USP8: variants seen among roughly 807,000 people sequenced by gnomAD.
USP8 encodes ubiquitin carboxyl-terminal hydrolase 8.
A neutral mutation model predicts 130.0 loss-of-function variants in USP8; 27 were observed. That is an observed-to-expected ratio of 0.21 (90% CI 0.15 to 0.29). The LOEUF (loss-of-function observed/expected upper bound fraction) is 0.29. USP8 is among the 10% of genes least tolerant of loss of function. The probability of loss-of-function intolerance (pLI) is 1.00; values close to 1 mark genes in which losing one functional copy is unlikely to be tolerated. For missense variants in USP8, 1,029 were observed against 1,312.2 expected (o/e 0.78, Z 3.33); for synonymous variants, 392 against 444.1 (o/e 0.88, Z 1.48).
chr15:50,495,287 CATAT>C (rs1175825603), intron 16 of USP8, among the ~76,000 whole-genome samples: 9 of 2,132 alleles, frequency 4.2e-3, no homozygotes, highest in Non-Finnish European at 7.9e-3. Context: ...TATACACATA[CATAT>C]ATACATATAT....
intron 4 of USP8, among the ~76,000 whole-genome samples, chr15:50,452,944 T>C (rs1363718673): frequency 6.6e-6 from 1 of 152,238 alleles, no homozygotes; most frequent in Non-Finnish European, 1.5e-5. Context: ...GTAAAACAGT[T>C]GCATAATTTT....
At chr15:50,470,125 G>T (rs1024321724) in intron 7 of USP8, among the ~76,000 whole-genome samples, 1 of 152,160 alleles carries the variant, frequency 6.6e-6, no homozygotes, top group Non-Finnish European at 1.5e-5. Flanking sequence ...GAGCCACCGC[G>T]TCCAGCTGAT....
At chr15:50,498,097 C>G (rs538953287) in intron 18 of USP8, among the ~76,000 whole-genome samples, 1 of 152,088 alleles carries the variant, frequency 6.6e-6, no homozygotes, top group African/African-American at 2.4e-5. Flanking sequence ...TATGAAATAA[C>G]CATATTACAC....
At chr15:50,465,826 C>T (rs990788475) in intron 7 of USP8, among the ~76,000 whole-genome samples, 2 of 152,148 alleles carry the variant, frequency 1.3e-5, no homozygotes, top group Non-Finnish European at 2.9e-5. Context: ...CTGTCACTTA[C>T]TAGTTGCATT....
chr15:50,482,505 T>A (rs140346578), intron 11 of USP8, among the ~76,000 whole-genome samples: 1 of 152,230 alleles, frequency 6.6e-6, no homozygotes, highest in Non-Finnish European at 1.5e-5. Flanking sequence ...TATCTTTGCA[T>A]ATAGTGATTT....
intron 16 of USP8, among the ~76,000 whole-genome samples, chr15:50,495,136 T>A (rs2052327157): frequency 6.6e-6 from 1 of 151,968 alleles, no homozygotes; most frequent in African/African-American, 2.4e-5. Flanking sequence ...CAACTTCTTT[T>A]TAGCACTTTT....
At chr15:50,484,167 TCC>T in intron 11 of USP8, 106 bp from the exon 12 acceptor site, 4 of 819,574 alleles carry the variant, frequency 4.9e-6, no homozygotes, top group Non-Finnish European at 7.3e-6. Flanking sequence ...CTTTTTTTTC[TCC>T]TTTTACATTT....
Position 50,471,280 on chromosome 15 carries a change from C to A in USP8, c.687-353C>A, listed in dbSNP as rs190482434. 3.2e-3 allele frequency among the ~76,000 whole-genome samples: 494 copies of A among 152,218 alleles called. 1 individual carries two copies. Among genetic ancestry groups the A allele is most frequent in the Non-Finnish European group, 5.7e-3 (390 of 68,016 alleles). On this transcript the variant is annotated intron_variant, in intron 7 of 19. Coordinates refer to ENST00000307179, the MANE Select transcript of USP8 (RefSeq NM_005154.5). The stretch of plus-strand genomic sequence containing the variant: ...GAGAACTGAAATATGAATAATACTA[C>A]CCAGGTGATTCCCCAGTTTATATTT...
intron 10 of USP8, among the ~76,000 whole-genome samples, chr15:50,479,629 T>G (rs1325107279): frequency 6.6e-6 from 1 of 151,992 alleles, no homozygotes; most frequent in Non-Finnish European, 1.5e-5. Flanking sequence ...GTTAACCTCA[T>G]CCCCATAGTG....
At chr15:50,457,582 G>A (rs1281267409) in intron 4 of USP8, among the ~76,000 whole-genome samples, 4 of 131,286 alleles carry the variant, frequency 3.0e-5, no homozygotes. Context: ...AAAAAAAACA[G>A]CCAGCCACGG....
intron 15 of USP8, 119 bp downstream of exon 15, chr15:50,493,032 T>G: frequency 9.4e-7 from 1 of 1,058,450 alleles, no homozygotes; most frequent in South Asian, 1.3e-5. Context: ...AGATAATTTG[T>G]AAAGAACAAA....
chr15:50,479,912 C>G (rs2051704160), intron 10 of USP8, among the ~76,000 whole-genome samples: 1 of 152,082 alleles, frequency 6.6e-6, no homozygotes, highest in Admixed American at 6.5e-5. Flanking sequence ...GCACATGCCA[C>G]CACGCCCAGC....
intron 10 of USP8, among the ~76,000 whole-genome samples, chr15:50,480,009 GCTCGGC>G (rs1198030056): frequency 1.3e-5 from 2 of 152,016 alleles, no homozygotes; most frequent in African/African-American, 4.8e-5. Context: ...GATCTATCCG[GCTCGGC>G]CTCCCAAAGT....
At chr15:50,483,365 T>C (rs3131560) in intron 11 of USP8, among the ~76,000 whole-genome samples, 76,990 of 152,092 alleles carry the variant, frequency 0.51, 19,699 homozygotes, top group East Asian at 0.58. Context: ...GATTGCATTC[T>C]TTGTGTGCTC....
At chr15:50,461,639 G>A (rs751170340) in intron 5 of USP8, among the ~76,000 whole-genome samples, 13 of 152,082 alleles carry the variant, frequency 8.5e-5, no homozygotes, top group Non-Finnish European at 1.5e-4. Context: ...CATATCACAA[G>A]GTCAAGAGAT....
In USP8 at chr15:50,481,807, A is replaced by G; in HGVS notation, c.1545A>G (p.Thr515=). The G allele has an allele frequency of 6.5e-7, 1 of 1,532,066 alleles. No individual in the cohort carries two copies. The highest frequency in any genetic ancestry group is 1.3e-5 in the South Asian group (1 of 78,614). The allele number at this position is 1,532,066 out of a possible 1,614,324, so 94.9% of individuals were successfully genotyped here. ...KKQEAEENEI[T]EKQQKAKEEM... is the part of the protein sequence containing the mutation. ...AAGAAGCTGAAGAAAATGAAATTAC[A>G]GAGAAGCAACAAAAAGCAAAAGAAG... is the stretch of plus-strand genomic sequence containing the variant. The change falls in exon 11 of 20, where the codon ACA becomes ACG. Residue 515 remains threonine (T), a synonymous_variant. Transcript: ENST00000307179.
chr15:50,449,683 G>A (rs1051870743), intron 4 of USP8, among the ~76,000 whole-genome samples, 198 bp downstream of exon 4: 2 of 151,724 alleles, frequency 1.3e-5, no homozygotes, highest in Admixed American at 6.6e-5. Flanking sequence ...CTGGGTTCAC[G>A]CCATTCTCCT....
Position 50,439,009 on chromosome 15 carries a change from G to A in USP8, c.-65G>A, listed in dbSNP as rs920603353. ...GTATAATTATTTGTATTTGTTTCAG[G>A]AAAGAAGCACTTGTAAGGAAATATA... On this transcript the variant is annotated splice_region_variant and 5_prime_UTR_variant, in exon 2 of 20. Coordinates refer to ENST00000307179, the MANE Select transcript of USP8 (RefSeq NM_005154.5). 8.7e-7 allele frequency: 1 copy of A among 1,154,000 alleles called. No homozygotes were observed. The highest frequency in any genetic ancestry group is 1.6e-5 in the African/African-American group (1 of 64,028). 71.5% of individuals were successfully genotyped at this position (1,154,000 alleles called of 1,614,324 possible).
rs2052730691 is a variant in USP8, at chr15:50,510,973, T to C, written c.*11885T>C. ...TTTTGTATTTTTAGTAGAGACGGGG[T>C]TTCACCGTGTTAGCCAGGATGGTCT... On this transcript the variant is annotated 3_prime_UTR_variant, in exon 20 of 20. Coordinates refer to ENST00000307179, the MANE Select transcript of USP8 (RefSeq NM_005154.5). The C allele has an allele frequency of 6.6e-6, 1 of 151,960 alleles. No individual in the cohort carries two copies. Among genetic ancestry groups the C allele is most frequent in the Admixed American group, 6.6e-5 (1 of 15,234 alleles). 9.4% of individuals were successfully genotyped at this position (151,960 alleles called of 1,614,324 possible). A position where few individuals can be genotyped will look rare whatever the true frequency, so the allele number is the denominator to read the frequency against.
Sources: allele counts gnomAD v4.1 joint callset (sites outside exome capture counted in the v4.1 genomes callset), GRCh38; gene constraint gnomAD v4.1.1; transcripts MANE v1.5; gene names NCBI Gene and HGNC (gene_info 2026-07-23, HGNC 2026-07-21).